Variants in FGD6 observed in about 807,000 individuals in gnomAD.
FGD6 encodes the protein FYVE, RhoGEF and PH domain containing 6, also known as FYVE, RhoGEF and PH domain-containing protein 6.
A neutral mutation model predicts 149.4 loss-of-function variants in FGD6; 90 were observed. The ratio of observed to expected loss-of-function variants is 0.60; its 90% CI spans 0.51 to 0.72. The LOEUF is 0.72. Ranked by LOEUF, FGD6 falls within the 30% of genes least tolerant of loss-of-function variation. The pLI, the probability that FGD6 is intolerant of heterozygous loss-of-function variation, is 0.00. For synonymous variants in FGD6, 527 were observed against 584.0 expected (o/e 0.90, Z 1.41); for missense variants, 1,437 against 1,684.8 (o/e 0.85, Z 2.57).
intron 8 of FGD6, among the ~76,000 whole-genome samples, chr12:95,118,704 A>G (rs566400465): frequency 6.6e-6 from 1 of 152,112 alleles, no homozygotes; most frequent in Non-Finnish European, 1.5e-5. Flanking sequence ...CTTGCTTTGT[A>G]TTTTTCAGAT....
chr12:95,206,698 GAAA>G (rs746280054), intron 2 of FGD6, among the ~76,000 whole-genome samples: 1 of 114,828 alleles, frequency 8.7e-6, no homozygotes. Flanking sequence ...TGTCTCCAAA[GAAA>G]AAAAAAAAAA....
intron 1 of FGD6, among the ~76,000 whole-genome samples, chr12:95,215,866 C>T (rs1278960409): frequency 6.6e-6 from 1 of 152,098 alleles, no homozygotes; most frequent in Non-Finnish European, 1.5e-5. Context: ...TTTGACACCT[C>T]CAAAAAGGAA....
At chr12:95,204,454 T>C (rs1325109613) in intron 2 of FGD6, among the ~76,000 whole-genome samples, 1 of 151,492 alleles carries the variant, frequency 6.6e-6, no homozygotes, top group Admixed American at 6.6e-5. Context: ...GAAAAGGAGG[T>C]AGAGAAACTC....
At chr12:95,129,627 C>T (rs1209680583) in intron 8 of FGD6, among the ~76,000 whole-genome samples, 1 of 152,184 alleles carries the variant, frequency 6.6e-6, no homozygotes, top group Non-Finnish European at 1.5e-5. Context: ...CAACTTCAAA[C>T]AGGATCCAGC....
At position 95,108,486 on chromosome 12, in the gene FGD6, GACA is replaced by G. The variant is rs769335716; in HGVS notation, c.3192+14_3192+16del. 9.3e-6 allele frequency: 15 copies of G among 1,614,050 alleles called. No homozygotes were observed. In the African/African-American group the frequency reaches 1.7e-4, roughly 19 times the overall value. On this transcript the variant is annotated intron_variant, in intron 10 of 20. Coordinates refer to ENST00000343958, the MANE Select transcript of FGD6 (RefSeq NM_018351.4). ...CAGGTTCAAGACCACACCAGCCACT[GACA>G]ACAAGACACTTACTCCTTGCTTCAT...
chr12:95,211,234 T>C lies in FGD6; in HGVS notation c.50A>G (p.Lys17Arg). The change falls in exon 2 of 21, where the codon AAG becomes AGG. Residue 17 changes from lysine to arginine, a missense_variant. By Grantham distance (26) the Lys-to-Arg change is conservative. Transcript: ENST00000343958. ...TGGCTTATTATTTGCCACAACAAAC[T>C]TGGGCTTGGGGGCCACTGGTGGCTT... is the stretch of plus-strand genomic sequence containing the variant. ...IKKPPVAPKP[K>R]FVVANNKPAP... 1.2e-6 allele frequency: 2 copies of C among 1,601,070 alleles called. No individual in the cohort carries two copies. The highest frequency in any genetic ancestry group is 1.7e-6 in the Non-Finnish European group (2 of 1,176,064).
intron 2 of FGD6, among the ~76,000 whole-genome samples, chr12:95,178,757 A>T (rs1330752408): frequency 6.6e-6 from 1 of 152,210 alleles, no homozygotes; most frequent in Non-Finnish European, 1.5e-5. Flanking sequence ...ATTCTTTAGT[A>T]TTCACAAAAT....
rs2056708496 is a variant in FGD6, at chr12:95,209,138, C to CATT, written c.2143_2145dup (p.Asn715dup). 1 of 1,614,056 alleles carries CATT rather than the reference C, an allele frequency of 6.2e-7. No homozygotes were observed. Among genetic ancestry groups the CATT allele is most frequent in the African/African-American group, 1.3e-5 (1 of 74,912 alleles). On this transcript the variant is annotated inframe_insertion, in exon 2 of 21. Transcript: ENST00000343958. ...TCATCCAAAGACTCAGCTCTCAGAC[C>CATT]ATTAGCTGCACTGGTCTGGCCCCGA... is the stretch of plus-strand genomic sequence containing the variant.
chr12:95,131,843 C>A (rs539894578), intron 8 of FGD6, among the ~76,000 whole-genome samples: 4 of 152,148 alleles, frequency 2.6e-5, no homozygotes, highest in African/African-American at 9.6e-5. Flanking sequence ...AGTTTGAGAC[C>A]AGGCTGGCCA....
chr12:95,212,476 C>T (rs963785049), intron 1 of FGD6, among the ~76,000 whole-genome samples: 3 of 152,134 alleles, frequency 2.0e-5, no homozygotes, highest in Admixed American at 1.3e-4. Flanking sequence ...ACCTATAAAG[C>T]GAAAAGATAA....
intron 8 of FGD6, among the ~76,000 whole-genome samples, chr12:95,122,121 A>T (rs975756619): frequency 2.6e-5 from 4 of 152,200 alleles, no homozygotes; most frequent in African/African-American, 9.7e-5. Flanking sequence ...TTATTTAACA[A>T]TGTACATATC....
intron 5 of FGD6, among the ~76,000 whole-genome samples, chr12:95,149,609 A>T (rs61937898): frequency 0.093 from 13,098 of 140,890 alleles, 816 homozygotes; most frequent in African/African-American, 0.17. Flanking sequence ...TAGTGAGCTG[A>T]TTGCACCACT....
intron 5 of FGD6, among the ~76,000 whole-genome samples, chr12:95,145,715 T>C (rs986630745): frequency 6.6e-6 from 1 of 152,164 alleles, no homozygotes; most frequent in Non-Finnish European, 1.5e-5. Context: ...TTTTGCTCTG[T>C]CGTCCAGGCT....
At chr12:95,194,061 G>C (rs923090861) in intron 2 of FGD6, among the ~76,000 whole-genome samples, 11 of 151,924 alleles carry the variant, frequency 7.2e-5, no homozygotes, top group Admixed American at 2.6e-4. Context: ...AGACTCCCAA[G>C]TAGCTAGGAC....
chr12:95,209,692 C>T lies in FGD6; in HGVS notation c.1592G>A (p.Ser531Asn). ...KSSYPSSEEK[S>N]SEKSLERNHL... ...ATTTCTTTCTAGACTCTTCTCTGAA[C>T]TTTTTTCTTCACTTGAAGGATAAGA... Residue 531 changes from serine to asparagine, a missense_variant, in exon 2 of 21, where the codon AGT (serine) becomes AAT (asparagine). By Grantham distance (46) the Ser-to-Asn change is conservative. Transcript: ENST00000343958. 6.2e-7 allele frequency: 1 copy of T among 1,613,898 alleles called. No homozygotes were observed. The highest frequency in any genetic ancestry group is 2.2e-5 in the East Asian group (1 of 44,884).
intron 6 of FGD6, among the ~76,000 whole-genome samples, chr12:95,139,124 C>CCTTT (rs1215428171): frequency 1.3e-5 from 2 of 152,060 alleles, no homozygotes; most frequent in Non-Finnish European, 2.9e-5. Context: ...GACTTGAACC[C>CCTTT]TAAGAGAAAA....
chr12:95,107,052 A>G lies in FGD6; in HGVS notation c.3334-15T>C. 1 of 1,586,026 alleles carries G rather than the reference A, an allele frequency of 6.3e-7. No individual in the cohort carries two copies. Among genetic ancestry groups the G allele is most frequent in the Non-Finnish European group, 8.6e-7 (1 of 1,160,520 alleles). On this transcript the variant is annotated splice_polypyrimidine_tract_variant and intron_variant, in intron 12 of 20. Coordinates refer to ENST00000343958, the MANE Select transcript of FGD6 (RefSeq NM_018351.4). Reference sequence around the variant, plus strand: ...GCATCATTAAACTGAAAGTAGAAACATTTCAGGGGAGAAAGTAAAGAAACA... The same window carrying G: ...GCATCATTAAACTGAAAGTAGAAACGTTTCAGGGGAGAAAGTAAAGAAACA...
intron 7 of FGD6, 122 bp from the exon 8 acceptor site, chr12:95,134,948 G>T (rs1001623490): frequency 1.4e-6 from 1 of 703,068 alleles, no homozygotes; most frequent in Non-Finnish European, 2.4e-6. Context: ...TCGTAGAGAG[G>T]CTCCCTTTTA....
In FGD6 at chr12:95,181,653, A is replaced by G. The variant is rs1302297742; in HGVS notation, c.2442-8909T>C. On this transcript the variant is annotated intron_variant, in intron 2 of 20. Transcript: ENST00000343958. ...CATTCTGAGCTTGAGGTTGCCTCCAATAAAATATGGCAAGTTCCAGTTGGG... is the reference window on the plus strand; with the variant it reads ...CATTCTGAGCTTGAGGTTGCCTCCAGTAAAATATGGCAAGTTCCAGTTGGG... Among the ~76,000 whole-genome samples, 6 of 152,174 alleles carry G rather than the reference A, an allele frequency of 3.9e-5. No individual in the cohort carries two copies. In the South Asian group the frequency reaches 8.3e-4, roughly 21 times the overall value.
Sources: gnomAD v4.1 joint callset for allele counts (sites outside exome capture counted in the v4.1 genomes callset) on GRCh38, gnomAD v4.1.1 for gene constraint, MANE v1.5 for transcripts, NCBI Gene and HGNC (gene_info 2026-07-23, HGNC 2026-07-21) for gene names.